SERPINB7: variants seen among roughly 807,000 people sequenced by gnomAD.
The protein encoded by SERPINB7 is serpin B7.
SERPINB7 carries 31 observed loss-of-function variants against 37.4 expected under a neutral mutation model. The ratio of observed to expected loss-of-function variants is 0.83; its 90% CI spans 0.62 to 1.12. The LOEUF (loss-of-function observed/expected upper bound fraction) is 1.12, where lower values mean the gene tolerates loss of function less well. Among genes scored for constraint, SERPINB7 ranks in the 50% most tolerant of loss-of-function variants. The pLI is 0.00. For missense variants in SERPINB7, 521 were observed against 455.3 expected, an observed-to-expected ratio of 1.14 and a Z score of -1.31; for synonymous variants, 163 against 166.1, an observed-to-expected ratio of 0.98 and a Z score of 0.14.
intron 1 of SERPINB7, among the ~76,000 whole-genome samples, chr18:63,757,138 G>C (rs1215835169): frequency 6.6e-6 from 1 of 151,962 alleles, no homozygotes; most frequent in Non-Finnish European, 1.5e-5. Flanking sequence ...TTGTAAGATG[G>C]ATAGATTGCA....
chr18:63,760,537 T>C (rs754858354), intron 1 of SERPINB7, among the ~76,000 whole-genome samples: 1 of 152,150 alleles, frequency 6.6e-6, no homozygotes, highest in Non-Finnish European at 1.5e-5. Flanking sequence ...CCCAAGATCA[T>C]AGGGAAAATG....
At position 63,804,325 on chromosome 18, in the gene SERPINB7, A is replaced by G. The variant is rs150696599; in HGVS notation, c.833A>G (p.Gln278Arg). The G allele has an allele frequency of 1.7e-4, 279 of 1,612,418 alleles. No homozygotes were observed. Among genetic ancestry groups the G allele is most frequent in the Middle Eastern group, 6.6e-4 (4 of 6,070 alleles). The change falls in exon 8 of 8, where the codon CAG becomes CGG. Residue 278 changes from glutamine to arginine, a missense_variant. Gln to Arg is a conservative substitution (Grantham distance 43). Transcript: ENST00000398019. ...TSKYVEVFFP[Q>R]FKIEKNYEMK... is the part of the protein sequence containing the mutation. ...AAGTATGTTGAGGTATTTTTTCCTC[A>G]GTTCAAGATAGAGAAGAATTATGAA...
At chr18:63,761,680 T>G (rs1027568797) in intron 1 of SERPINB7, among the ~76,000 whole-genome samples, 1 of 152,206 alleles carries the variant, frequency 6.6e-6, no homozygotes, top group African/African-American at 2.4e-5. Flanking sequence ...CTCGTGATAG[T>G]GAATAAGTCT....
rs142409710 is a variant in SERPINB7, at chr18:63,783,602, C to T, written c.168+1062C>T. Among the ~76,000 whole-genome samples, 982 of 152,302 alleles carry T rather than the reference C, an allele frequency of 6.4e-3. 5 individuals are homozygous for T. Among genetic ancestry groups the T allele is most frequent in the Non-Finnish European group, 0.01 (714 of 68,026 alleles). ...TTCAGGGAGTGCTTATTAACACACC[C>T]GTGCACACAGCTCTGGGAGCACTTT... On this transcript the variant is annotated intron_variant, in intron 2 of 7. Coordinates refer to ENST00000398019, the MANE Select transcript of SERPINB7 (RefSeq NM_003784.4).
intron 4 of SERPINB7, among the ~76,000 whole-genome samples, chr18:63,793,749 C>A (rs968137363): frequency 1.3e-5 from 2 of 152,188 alleles, no homozygotes; most frequent in Non-Finnish European, 2.9e-5. Flanking sequence ...GATCTTCTTT[C>A]TTCAGCCTCC....
chr18:63,776,182 G>T (rs1480524556), intron 1 of SERPINB7, among the ~76,000 whole-genome samples: 1 of 151,998 alleles, frequency 6.6e-6, no homozygotes, highest in Non-Finnish European at 1.5e-5. Flanking sequence ...TGTTGTTGCT[G>T]TTGAGTTTTA....
upstream of SERPINB7, among the ~76,000 whole-genome samples, chr18:63,771,017 A>C (rs2049208003): frequency 8.0e-6 from 1 of 124,450 alleles, no homozygotes; most frequent in Non-Finnish European, 1.6e-5. Flanking sequence ...CTTCCAAAAG[A>C]TGTGCATGCA....
At chr18:63,791,879 A>G (rs12965407) in intron 2 of SERPINB7, among the ~76,000 whole-genome samples, 2,303 of 152,208 alleles carry the variant, frequency 0.015, 30 homozygotes, top group Middle Eastern at 0.027. Context: ...CAAAGTGCTG[A>G]GATTACAGGC....
chr18:63,757,738 G>A (rs933840432), intron 1 of SERPINB7, among the ~76,000 whole-genome samples: 1 of 152,152 alleles, frequency 6.6e-6, no homozygotes, highest in Non-Finnish European at 1.5e-5. Context: ...TCTGCTCTTG[G>A]GAGTTCCTAA....
In SERPINB7 at chr18:63,804,388, T is replaced by C. The variant is rs779481560; in HGVS notation, c.896T>C (p.Ile299Thr). 3.2e-5 allele frequency: 52 copies of C among 1,613,786 alleles called. 1 individual carries two copies. The South Asian group carries it at 3.6e-4, about 11-fold the overall frequency. The change falls in exon 8 of 8, where the codon ATC becomes ACC. Residue 299 changes from isoleucine to threonine, a missense_variant. By Grantham distance (89) the Ile-to-Thr change is moderately conservative. Transcript: ENST00000398019. ...QYLRALGLKD[I>T]FDESKADLSG... ...TTGAGAGCCCTAGGGCTGAAAGATATCTTTGATGAATCCAAAGCAGATCTC... is the reference window on the plus strand; with the variant it reads ...TTGAGAGCCCTAGGGCTGAAAGATACCTTTGATGAATCCAAAGCAGATCTC...
chr18:63,763,563 A>T (rs908717779), intron 1 of SERPINB7, among the ~76,000 whole-genome samples: 1 of 152,320 alleles, frequency 6.6e-6, no homozygotes, highest in South Asian at 2.1e-4. Flanking sequence ...TAGTGGTCAA[A>T]TTCATCATGT....
At chr18:63,770,384 C>A (rs539752369) in intron 1 of SERPINB7, among the ~76,000 whole-genome samples, 171 of 151,868 alleles carry the variant, frequency 1.1e-3, no homozygotes, top group African/African-American at 4.1e-3. Context: ...TCTTTTCTTC[C>A]CCTTTTAGAG....
intron 7 of SERPINB7, among the ~76,000 whole-genome samples, chr18:63,802,842 ACTTT>A: frequency 6.6e-6 from 1 of 152,266 alleles, no homozygotes; most frequent in South Asian, 2.1e-4. Flanking sequence ...TTTAGCAACA[ACTTT>A]CTTTCATTAC....
At chr18:63,786,144 C>CGTATATACATATATAT (rs1181124480) in intron 2 of SERPINB7, among the ~76,000 whole-genome samples, 5 of 89,998 alleles carry the variant, frequency 5.6e-5, no homozygotes, top group Admixed American at 2.8e-4. Context: ...TACATATATA[C>CGTATATACATATATAT]ACACACACAC....
intron 1 of SERPINB7, among the ~76,000 whole-genome samples, chr18:63,762,673 C>A (rs1272622530): frequency 1.3e-5 from 2 of 152,154 alleles, no homozygotes; most frequent in African/African-American, 4.8e-5. Context: ...AGTTAGAAGG[C>A]CTGATCTTTG....
intron 2 of SERPINB7, among the ~76,000 whole-genome samples, chr18:63,790,730 G>A (rs1260627981): frequency 6.6e-6 from 1 of 152,122 alleles, no homozygotes; most frequent in Admixed American, 6.6e-5. Context: ...GGGAGGGAAG[G>A]GGAGAAAGAA....
intron 1 of SERPINB7, among the ~76,000 whole-genome samples, chr18:63,765,578 C>T (rs2049176516): frequency 6.6e-6 from 1 of 152,128 alleles, no homozygotes; most frequent in Non-Finnish European, 1.5e-5. Flanking sequence ...TTTCTGATGG[C>T]CTATAGCCTC....
chr18:63,768,250 T>C (rs1424282152), intron 1 of SERPINB7, among the ~76,000 whole-genome samples: 1 of 147,218 alleles, frequency 6.8e-6, no homozygotes, highest in East Asian at 2.5e-4. Flanking sequence ...AGATTATTGG[T>C]TTGAGACTGT....
At chr18:63,782,124 C>T (rs1312055100) in intron 1 of SERPINB7, among the ~76,000 whole-genome samples, 2 of 152,082 alleles carry the variant, frequency 1.3e-5, no homozygotes, top group Non-Finnish European at 2.9e-5. Context: ...AGGCCACTCA[C>T]AGGCCACTGA....
Sources: gnomAD v4.1 joint callset for allele counts (sites outside exome capture counted in the v4.1 genomes callset) on GRCh38, gnomAD v4.1.1 for gene constraint, MANE v1.5 for transcripts, NCBI Gene and HGNC (gene_info 2026-07-23, HGNC 2026-07-21) for gene names.